The following KCNIP4 variants were observed in gnomAD, a reference collection of about 807,000 sequenced individuals.
KCNIP4 encodes potassium voltage-gated channel interacting protein 4.
A neutral mutation model predicts 34.0 loss-of-function variants in KCNIP4; 12 were observed. That is an observed-to-expected ratio of 0.35 (90% CI 0.23 to 0.57). KCNIP4 has a LOEUF of 0.57. Among genes scored for constraint, KCNIP4 ranks in the 20% least tolerant of loss-of-function variants. The probability of loss-of-function intolerance (pLI) is 0.83; values close to 1 mark genes in which losing one functional copy is unlikely to be tolerated. For missense variants in KCNIP4, 238 were observed against 311.7 expected (o/e 0.76, Z 1.78); for synonymous variants, 124 against 102.2 (o/e 1.21, Z -1.29).
intron 1 of KCNIP4, among the ~76,000 whole-genome samples, chr4:21,938,448 A>G (rs1729998165): frequency 1.3e-5 from 2 of 152,212 alleles, no homozygotes. Flanking sequence ...GGAAGCCCCC[A>G]TGATATGAAG....
intron 1 of KCNIP4, among the ~76,000 whole-genome samples, chr4:21,172,378 A>G (rs1350528603): frequency 2.0e-5 from 3 of 152,168 alleles, no homozygotes; most frequent in Admixed American, 2.0e-4. Context: ...ACTGATATGA[A>G]CTGTGTGAGA....
At chr4:21,211,765 C>T (rs1006991928) in intron 1 of KCNIP4, among the ~76,000 whole-genome samples, 5 of 151,990 alleles carry the variant, frequency 3.3e-5, no homozygotes, top group African/African-American at 9.7e-5. Context: ...GAGTTAGGGA[C>T]ACAATTATAT....
At chr4:21,729,356 A>C (rs983325979) in intron 1 of KCNIP4, among the ~76,000 whole-genome samples, 2 of 152,192 alleles carry the variant, frequency 1.3e-5, no homozygotes, top group African/African-American at 4.8e-5. Flanking sequence ...GGAATACACC[A>C]GTGACTACTT....
Position 21,832,340 on chromosome 4 carries a change from C to G in KCNIP4, c.61+116231G>C, listed in dbSNP as rs1723037279. Among the ~76,000 whole-genome samples, 5 of 152,202 alleles carry G rather than the reference C, an allele frequency of 3.3e-5. No homozygotes were observed. In the South Asian group the frequency reaches 1.0e-3, roughly 32 times the overall value. On this transcript the variant is annotated intron_variant, in intron 1 of 8. Transcript: ENST00000382152. ...AGAAAGATGCCCACTCTTGCTGCTTCTATTCTATTTTTATAAGGGTGTGCT... is the reference window on the plus strand; with the variant it reads ...AGAAAGATGCCCACTCTTGCTGCTTGTATTCTATTTTTATAAGGGTGTGCT...
intron 1 of KCNIP4, among the ~76,000 whole-genome samples, chr4:21,879,098 CA>C (rs1466357337): frequency 6.6e-5 from 10 of 152,086 alleles, no homozygotes; most frequent in Non-Finnish European, 1.3e-4. Context: ...TGATTATAGA[CA>C]GTAGCTTTTC....
At chr4:21,288,307 C>T (rs1181408008) in intron 1 of KCNIP4, among the ~76,000 whole-genome samples, 1 of 152,078 alleles carries the variant, frequency 6.6e-6, no homozygotes, top group Non-Finnish European at 1.5e-5. Flanking sequence ...ATGCTTTAAT[C>T]ATGCACAGAT....
At chr4:21,680,956 G>A (rs138791995) in intron 1 of KCNIP4, among the ~76,000 whole-genome samples, 5 of 152,294 alleles carry the variant, frequency 3.3e-5, no homozygotes, top group Non-Finnish European at 5.9e-5. Context: ...AAAGTCATAA[G>A]CTGCATTAGT....
At chr4:21,680,739 T>C (rs1029385558) in intron 1 of KCNIP4, among the ~76,000 whole-genome samples, 1 of 152,200 alleles carries the variant, frequency 6.6e-6, no homozygotes, top group African/African-American at 2.4e-5. Context: ...GCATTGTCAA[T>C]GAGCAGTAAC....
At position 21,621,817 on chromosome 4, in the gene KCNIP4, T is replaced by C. The variant is rs1009852521; in HGVS notation, c.61+326754A>G. 3.9e-5 allele frequency among the ~76,000 whole-genome samples: 6 copies of C among 152,308 alleles called. No individual in the cohort carries two copies. The East Asian group carries it at 9.7e-4, about 25-fold the overall frequency. ...AAAAGAAATTGATATTTGATTCACC[T>C]ATTGTTAATACTCAGGAACATTCTG... On this transcript the variant is annotated intron_variant, in intron 1 of 8. Transcript: ENST00000382152.
At chr4:21,944,125 T>G (rs1730358470) in intron 1 of KCNIP4, among the ~76,000 whole-genome samples, 1 of 151,142 alleles carries the variant, frequency 6.6e-6, no homozygotes, top group African/African-American at 2.4e-5. Flanking sequence ...AAGAGATAAC[T>G]CCCCATCAAA....
chr4:20,761,908 A>G (rs1447730485), intron 3 of KCNIP4, among the ~76,000 whole-genome samples: 2 of 152,140 alleles, frequency 1.3e-5, no homozygotes, highest in Non-Finnish European at 2.9e-5. Context: ...TTACATCTCT[A>G]CAAACACATA....
intron 1 of KCNIP4, among the ~76,000 whole-genome samples, chr4:21,345,145 G>A (rs1374560750): frequency 6.6e-6 from 1 of 152,090 alleles, no homozygotes; most frequent in Non-Finnish European, 1.5e-5. Context: ...TTCTGTCTTG[G>A]GAGGGCTCTC....
intron 1 of KCNIP4, among the ~76,000 whole-genome samples, chr4:21,542,233 G>T (rs1290793522): frequency 6.6e-6 from 1 of 152,050 alleles, no homozygotes; most frequent in Non-Finnish European, 1.5e-5. Flanking sequence ...ATTCAAAGGC[G>T]ACCCAAAAGT....
chr4:21,185,465 T>A (rs1380810575), intron 1 of KCNIP4, among the ~76,000 whole-genome samples: 1 of 151,906 alleles, frequency 6.6e-6, no homozygotes, highest in African/African-American at 2.4e-5. Context: ...CTTTTCTTCT[T>A]CTTCTTCCTC....
chr4:20,749,628 T>C (rs1172746854), intron 5 of KCNIP4, 34 bp downstream of exon 5: 5 of 1,442,232 alleles, frequency 3.5e-6, no homozygotes, highest in Admixed American at 1.7e-5. Context: ...AAACTCTAAA[T>C]AGTCAAATGA....
chr4:20,760,981 C>A (rs563547516), intron 3 of KCNIP4, among the ~76,000 whole-genome samples: 3 of 152,262 alleles, frequency 2.0e-5, no homozygotes, highest in African/African-American at 7.2e-5. Flanking sequence ...TACATTGATG[C>A]AAAATTGCGG....
chr4:21,918,253 G>A (rs983416190), intron 1 of KCNIP4, among the ~76,000 whole-genome samples: 4 of 152,126 alleles, frequency 2.6e-5, no homozygotes, highest in Non-Finnish European at 5.9e-5. Flanking sequence ...GATAAAAACA[G>A]GCACTTTGAA....
intron 1 of KCNIP4, among the ~76,000 whole-genome samples, chr4:21,534,128 T>C (rs901663917): frequency 6.6e-6 from 1 of 152,164 alleles, no homozygotes; most frequent in African/African-American, 2.4e-5. Context: ...TAGGACCTAC[T>C]GTATAAAACC....
At chr4:20,947,567 G>C (rs1732315817) in intron 1 of KCNIP4, among the ~76,000 whole-genome samples, 1 of 152,062 alleles carries the variant, frequency 6.6e-6, no homozygotes, top group Non-Finnish European at 1.5e-5. Context: ...CATCCTCCTA[G>C]TACTTAGCCT....
Sources: allele counts gnomAD v4.1 joint callset (sites outside exome capture counted in the v4.1 genomes callset), GRCh38; gene constraint gnomAD v4.1.1; transcripts MANE v1.5; gene names NCBI Gene and HGNC (gene_info 2026-07-23, HGNC 2026-07-21).